Variants in NRXN3 observed in about 807,000 individuals in gnomAD.
The protein encoded by NRXN3 is neurexin III.
NRXN3 carries 32 observed loss-of-function variants against 137.6 expected under a neutral mutation model. That is an observed-to-expected ratio of 0.23 (90% CI 0.18 to 0.31). The LOEUF is 0.31. NRXN3 is among the 10% of genes least tolerant of loss of function. The probability of loss-of-function intolerance (pLI) is 1.00; values close to 1 mark genes in which losing one functional copy is unlikely to be tolerated. For missense variants in NRXN3, 1,574 were observed against 2,062.5 expected (o/e 0.76, Z 4.59); for synonymous variants, 798 against 784.5 (o/e 1.02, Z -0.29).
At chr14:78,840,850 C>A (rs1285844623) in intron 10 of NRXN3, among the ~76,000 whole-genome samples, 3 of 152,148 alleles carry the variant, frequency 2.0e-5, no homozygotes, top group Admixed American at 6.5e-5. Flanking sequence ...CCACAGTAAT[C>A]AGTCAATCTA....
chr14:78,952,010 G>A (rs1319083059), intron 10 of NRXN3, among the ~76,000 whole-genome samples: 2 of 152,134 alleles, frequency 1.3e-5, no homozygotes, highest in Non-Finnish European at 2.9e-5. Flanking sequence ...AGAAGCAGGG[G>A]CTCCTGGAGG....
intron 19 of NRXN3, among the ~76,000 whole-genome samples, chr14:79,698,353 A>G (rs1396587341): frequency 6.6e-6 from 1 of 152,040 alleles, no homozygotes; most frequent in Non-Finnish European, 1.5e-5. Context: ...TTGCTATAAC[A>G]TGAATCTTTC....
At chr14:78,784,191 G>A (rs2098781030) in intron 8 of NRXN3, among the ~76,000 whole-genome samples, 1 of 152,122 alleles carries the variant, frequency 6.6e-6, no homozygotes, top group Non-Finnish European at 1.5e-5. Flanking sequence ...ATACCTTTCT[G>A]AGAAGATGAT....
intron 15 of NRXN3, among the ~76,000 whole-genome samples, chr14:79,298,244 C>A (rs1385332631): frequency 6.6e-6 from 1 of 152,032 alleles, no homozygotes; most frequent in Non-Finnish European, 1.5e-5. Context: ...CATGACCAGC[C>A]AGAGGCTAAT....
intron 15 of NRXN3, among the ~76,000 whole-genome samples, chr14:79,163,210 A>G (rs988044269): frequency 6.6e-6 from 1 of 151,978 alleles, no homozygotes; most frequent in Non-Finnish European, 1.5e-5. Context: ...ATTATAGTCT[A>G]TGCTCACAGA....
At chr14:79,098,797 T>C (rs2050782753) in intron 15 of NRXN3, among the ~76,000 whole-genome samples, 1 of 152,144 alleles carries the variant, frequency 6.6e-6, no homozygotes. Context: ...CTGTGGCAGC[T>C]TCAGATATAT....
At chr14:78,325,424 C>T (rs2153563471) in intron 4 of NRXN3, among the ~76,000 whole-genome samples, 1 of 152,240 alleles carries the variant, frequency 6.6e-6, no homozygotes, top group Admixed American at 6.5e-5. Flanking sequence ...GCCTCTACTA[C>T]TGAATCTGTA....
At chr14:78,842,167 C>G (rs375050449) in intron 10 of NRXN3, among the ~76,000 whole-genome samples, 1 of 152,184 alleles carries the variant, frequency 6.6e-6, no homozygotes, top group African/African-American at 2.4e-5. Context: ...TGCATTATTA[C>G]CATATATTTA....
chr14:78,665,981 C>A (rs1394478772), intron 6 of NRXN3, among the ~76,000 whole-genome samples: 1 of 152,146 alleles, frequency 6.6e-6, no homozygotes, highest in Non-Finnish European at 1.5e-5. Flanking sequence ...GTCCCTCTAT[C>A]TTTGTAAGCT....
At chr14:78,217,761 A>G (rs2153420877) in intron 1 of NRXN3, among the ~76,000 whole-genome samples, 1 of 152,320 alleles carries the variant, frequency 6.6e-6, no homozygotes, top group Admixed American at 6.5e-5. Flanking sequence ...TCCTAGGTTC[A>G]AGCGATTCTT....
intron 1 of NRXN3, among the ~76,000 whole-genome samples, chr14:78,235,040 G>GTGTATATATATATATA (rs1555418753): frequency 4.8e-5 from 5 of 103,834 alleles, no homozygotes; most frequent in Non-Finnish European, 6.4e-5. Flanking sequence ...ATATATATGT[G>GTGTATATATATATATA]TGTGTGTGTG....
At chr14:79,242,414 A>G (rs2074452575) in intron 15 of NRXN3, among the ~76,000 whole-genome samples, 1 of 152,152 alleles carries the variant, frequency 6.6e-6, no homozygotes. Flanking sequence ...CTGAGCCTAG[A>G]ATCTTCACTG....
chr14:78,982,528 C>A (rs1193970910), intron 14 of NRXN3, among the ~76,000 whole-genome samples: 1 of 151,752 alleles, frequency 6.6e-6, no homozygotes, highest in African/African-American at 2.4e-5. Context: ...ACAAAGGTGC[C>A]ACAAGTATGC....
intron 15 of NRXN3, chr14:79,248,989 G>A (rs1016370491): frequency 2.0e-5 from 3 of 152,178 alleles, no homozygotes; most frequent in Non-Finnish European, 4.4e-5. Flanking sequence ...GAACTAGGTT[G>A]TAAACGTGGC....
chr14:79,418,996 T>C (rs190078761), intron 15 of NRXN3, among the ~76,000 whole-genome samples: 1 of 152,284 alleles, frequency 6.6e-6, no homozygotes, highest in East Asian at 1.9e-4. Flanking sequence ...TTGTCTGCAG[T>C]AGGGCAGGCA....
rs1450835158 is a variant in NRXN3, at chr14:79,154,130, AG to A, written c.3262+165992del. 7.9e-5 allele frequency among the ~76,000 whole-genome samples: 12 copies of A among 152,056 alleles called. No homozygotes were observed. The East Asian group carries it at 2.3e-3, about 30-fold the overall frequency. ...TTATATACCAGGAATATAACCAACCAGGGTAGTTGGGGGCCATTGTGTATTG... is the reference window on the plus strand; with the variant it reads ...TTATATACCAGGAATATAACCAACCAGGTAGTTGGGGGCCATTGTGTATTG... On this transcript the variant is annotated intron_variant, in intron 15 of 20. Coordinates refer to ENST00000335750, the MANE Select transcript of NRXN3 (RefSeq NM_001330195.2).
At chr14:78,778,684 T>C (rs1276093479) in intron 8 of NRXN3, among the ~76,000 whole-genome samples, 5 of 113,740 alleles carry the variant, frequency 4.4e-5, no homozygotes, top group African/African-American at 6.9e-5. Context: ...TTTCTTTTCT[T>C]TCTTTCTTTC....
intron 3 of NRXN3, among the ~76,000 whole-genome samples, chr14:78,283,953 GTTAC>G (rs1240750402): frequency 6.6e-6 from 1 of 152,192 alleles, no homozygotes; most frequent in Non-Finnish European, 1.5e-5. Flanking sequence ...ACCTATTCAA[GTTAC>G]TTTACCTTTG....
intron 16 of NRXN3, among the ~76,000 whole-genome samples, chr14:79,492,840 C>T (rs1048648397): frequency 6.6e-6 from 1 of 152,130 alleles, no homozygotes; most frequent in South Asian, 2.1e-4. Context: ...ACTCTGACAT[C>T]GTCAATTCTA....
Sources: allele counts gnomAD v4.1 joint callset (sites outside exome capture counted in the v4.1 genomes callset), GRCh38; gene constraint gnomAD v4.1.1; transcripts MANE v1.5; gene names NCBI Gene and HGNC (gene_info 2026-07-23, HGNC 2026-07-21).